MICALL2: variants seen among roughly 807,000 people sequenced by gnomAD.
MICALL2 encodes the protein MICAL-like protein 2.
A neutral mutation model predicts 91.1 loss-of-function variants in MICALL2; 111 were observed. That is an observed-to-expected ratio of 1.22 (90% confidence interval 1.04 to 1.43). The LOEUF (loss-of-function observed/expected upper bound fraction) is 1.43, where lower values mean the gene tolerates loss of function less well. Ranked by LOEUF, MICALL2 falls within the 40% of genes most tolerant of loss-of-function variation. The pLI is 0.00. For synonymous variants in MICALL2, 694 were observed against 525.3 expected, an observed-to-expected ratio of 1.32 and a Z score of -4.39; for missense variants, 1,556 against 1,236.0, an observed-to-expected ratio of 1.26 and a Z score of -3.88.
chr7:1,434,689 C>A lies in MICALL2; in HGVS notation c.2639-17G>T. ...TCTGGAGGCCTAGGGGACAGGTGGACAGTGAGGCCGTGCTCAACGCCGCAG... is the reference window on the plus strand; with the variant it reads ...TCTGGAGGCCTAGGGGACAGGTGGAAAGTGAGGCCGTGCTCAACGCCGCAG... On this transcript the variant is annotated splice_polypyrimidine_tract_variant and intron_variant, in intron 16 of 16. Coordinates refer to ENST00000297508, the MANE Select transcript of MICALL2 (RefSeq NM_182924.4). 1.3e-6 allele frequency: 2 copies of A among 1,539,450 alleles called. No homozygotes were observed. Among genetic ancestry groups the A allele is most frequent in the South Asian group, 1.3e-5 (1 of 79,274 alleles).
Position 1,444,645 on chromosome 7 carries a change from C to A in MICALL2, c.1418+7G>T. The A allele has an allele frequency of 6.2e-7, 1 of 1,606,798 alleles. No individual in the cohort carries two copies. Among genetic ancestry groups the A allele is most frequent in the Non-Finnish European group, 8.5e-7 (1 of 1,179,078 alleles). On this transcript the variant is annotated splice_region_variant and intron_variant, in intron 6 of 16. Transcript: ENST00000297508. ...TACCCGGGGTCCCTCGGTCCCCACG[C>A]GCTCACCTGCCAGGCGCCGGAGCGC...
rs760346123 is a variant in MICALL2, at chr7:1,447,670, G to A, written c.430C>T (p.Pro144Ser). 4 of 1,586,284 alleles carry A rather than the reference G, an allele frequency of 2.5e-6. No individual in the cohort carries two copies. Among genetic ancestry groups the A allele is most frequent in the African/African-American group, 1.3e-5 (1 of 74,610 alleles). ...APVQAAKLPS[P>S]APARKPPLSP... Reference sequence around the variant, plus strand: ...AGTGGAGGCTTCCGGGCTGGGGCGGGCGAGGGCAGCTTGGCCGCCTGGACT... The same window carrying A: ...AGTGGAGGCTTCCGGGCTGGGGCGGACGAGGGCAGCTTGGCCGCCTGGACT... Residue 144 changes from proline (P) to serine (S), a missense_variant, in exon 4 of 17, where the codon CCC (proline) becomes TCC (serine). By Grantham distance (74) the Pro-to-Ser change is moderately conservative (BLOSUM62 -1). Transcript: ENST00000297508.
chr7:1,437,928 C>T lies in MICALL2; in HGVS notation c.2364G>A (p.Lys788=), dbSNP rs903377875. Residue 788 remains lysine (K), a synonymous_variant, in exon 13 of 17, where the codon AAG becomes AAA. Coordinates refer to ENST00000297508, the MANE Select transcript of MICALL2 (RefSeq NM_182924.4). ...CTGACTCCTGTCTCAGCAGAAGCTGCTTCTCGTGAATGAGCCAGAACCAGT... is the reference window on the plus strand; with the variant it reads ...CTGACTCCTGTCTCAGCAGAAGCTGTTTCTCGTGAATGAGCCAGAACCAGT... ...MVDWFWLIHE[K]QLLLRQESEL... 19 of 1,549,540 alleles carry T rather than the reference C, an allele frequency of 1.2e-5. No individual in the cohort carries two copies. The highest frequency in any genetic ancestry group is 4.1e-5 in the African/African-American group (3 of 73,032).
intron 10 of MICALL2, 34 bp downstream of exon 10, chr7:1,438,806 C>T (rs753747491): frequency 7.0e-6 from 11 of 1,569,624 alleles, no homozygotes; most frequent in Admixed American, 6.9e-5. Flanking sequence ...CCTTCACGTA[C>T]ACCCCAAACA....
At chr7:1,440,518 G>T in intron 8 of MICALL2, 73 bp downstream of exon 8, 4 of 1,338,536 alleles carry the variant, frequency 3.0e-6, no homozygotes, top group East Asian at 2.3e-5. Context: ...TCAATCGGTC[G>T]ATTACATACT....
intron 1 of MICALL2, among the ~76,000 whole-genome samples, chr7:1,456,703 C>T (rs1258508692): frequency 2.0e-5 from 3 of 151,596 alleles, no homozygotes; most frequent in Non-Finnish European, 4.4e-5. Context: ...TCCAGGTGTT[C>T]AAGAATGCAG....
chr7:1,440,140 A>C, intron 8 of MICALL2, 55 bp from the exon 9 acceptor site: 1 of 1,554,822 alleles, frequency 6.4e-7, no homozygotes, highest in South Asian at 1.2e-5. Flanking sequence ...GGCCTGGCCC[A>C]CCTGGAGGGG....
intron 2 of MICALL2, among the ~76,000 whole-genome samples, 170 bp from the exon 3 acceptor site, chr7:1,448,931 T>C (rs771427920): frequency 2.0e-5 from 3 of 152,216 alleles, no homozygotes; most frequent in East Asian, 1.9e-4. Context: ...TTACCCATCA[T>C]TGCAGCGGGG....
chr7:1,441,869 CCA>C (rs1780297111), intron 7 of MICALL2: 1 of 380,546 alleles, frequency 2.6e-6, no homozygotes, highest in African/African-American at 2.1e-5. Context: ...CCAAGCCAGG[CCA>C]CTGCTAGCCA....
chr7:1,442,050 G>A (rs2128521174), intron 7 of MICALL2, 142 bp downstream of exon 7: 2 of 952,050 alleles, frequency 2.1e-6, no homozygotes, highest in Non-Finnish European at 3.2e-6. Context: ...GCTGCGAGCA[G>A]GTGTCACGGA....
In MICALL2 at chr7:1,447,611, C is replaced by T. The variant is rs974564805; in HGVS notation, c.489G>A (p.Arg163=). ...SPAQTNPVVQ[R]RNEGAGGPPP... Reference sequence around the variant, plus strand: ...GCGGGCCCCCTGCACCCTCATTCCTCCTCTGGACCACAGGGTTTGTCTGGG... The same window carrying T: ...GCGGGCCCCCTGCACCCTCATTCCTTCTCTGGACCACAGGGTTTGTCTGGG... Residue 163 remains arginine (R), a synonymous_variant, in exon 4 of 17, where the codon AGG becomes AGA. Transcript: ENST00000297508. 4 of 1,595,808 alleles carry T rather than the reference C, an allele frequency of 2.5e-6. No homozygotes were observed. Among genetic ancestry groups the T allele is most frequent in the Non-Finnish European group, 3.4e-6 (4 of 1,172,116 alleles).
Position 1,451,833 on chromosome 7 carries a change from C to G in MICALL2, c.144-1545G>C, listed in dbSNP as rs1207608553. ...GGCCGAGACCCCTGTGGCCACGCAG[C>G]CTGGGCGGCCTAGTTCTGAGCCCAG... On this transcript the variant is annotated intron_variant, in intron 1 of 16. Transcript: ENST00000297508. This position sits in a 1 kb window ranked among gnomAD's most constrained non-coding sequence, Gnocchi z 4.5. 2.6e-5 allele frequency among the ~76,000 whole-genome samples: 4 copies of G among 152,212 alleles called. No individual in the cohort carries two copies. In the East Asian group the frequency reaches 7.7e-4, roughly 29 times the overall value.
At chr7:1,434,806 A>T in intron 16 of MICALL2, 134 bp from the exon 17 acceptor site, 1 of 973,540 alleles carries the variant, frequency 1.0e-6, no homozygotes, top group Non-Finnish European at 1.5e-6. Context: ...AGCCTGCAGG[A>T]AGCCCTGTGC....
chr7:1,440,936 C>T (rs573657525), intron 7 of MICALL2: 2 of 502,994 alleles, frequency 4.0e-6, no homozygotes, highest in South Asian at 2.0e-5. Flanking sequence ...CCCCTTCTGC[C>T]GAATGGGTGG....
intron 2 of MICALL2, 143 bp from the exon 3 acceptor site, chr7:1,448,904 G>A: frequency 1.1e-6 from 1 of 913,954 alleles, no homozygotes. Context: ...CTGCTCGCGT[G>A]GCCTCCCGGC....
intron 2 of MICALL2, 82 bp from the exon 3 acceptor site, chr7:1,448,843 G>T: frequency 6.5e-7 from 1 of 1,549,048 alleles, no homozygotes. Flanking sequence ...TCGACTCAAA[G>T]ACACAGTCTT....
intron 4 of MICALL2, among the ~76,000 whole-genome samples, chr7:1,447,149 A>C (rs1228995926): frequency 6.6e-6 from 1 of 152,120 alleles, no homozygotes; most frequent in Non-Finnish European, 1.5e-5. Flanking sequence ...GGGAGCCTGG[A>C]GTGGCAGTCC....
At chr7:1,435,713 C>T (rs1779935020) in intron 15 of MICALL2, among the ~76,000 whole-genome samples, 1 of 152,228 alleles carries the variant, frequency 6.6e-6, no homozygotes, top group African/African-American at 2.4e-5. Flanking sequence ...GTCACACAGT[C>T]CGTGCAGGAG....
intron 9 of MICALL2, 28 bp from the exon 10 acceptor site, chr7:1,439,023 C>A (rs369034417): frequency 1.3e-6 from 2 of 1,549,622 alleles, no homozygotes; most frequent in Non-Finnish European, 1.8e-6. Flanking sequence ...GACAGAGCCA[C>A]GCTTCAGAGC....
Sources: gnomAD v4.1 joint callset for allele counts (sites outside exome capture counted in the v4.1 genomes callset) on GRCh38, gnomAD v4.1.1 for gene constraint, Gnocchi (gnomAD v3.1) non-coding constraint, MANE v1.5 for transcripts, NCBI Gene and HGNC (gene_info 2026-07-23, HGNC 2026-07-21) for gene names.